The following BMPR2 variants were observed in gnomAD, a reference collection of about 807,000 sequenced individuals.
BMPR2 encodes the protein bone morphogenetic protein receptor type-2.
BMPR2 carries 29 observed loss-of-function variants against 100.8 expected under a neutral mutation model. The ratio of observed to expected loss-of-function variants is 0.29; its 90% confidence interval spans 0.21 to 0.39. The LOEUF (loss-of-function observed/expected upper bound fraction) is 0.39, where lower values mean the gene tolerates loss of function less well. Ranked by LOEUF, BMPR2 falls within the 10% of genes least tolerant of loss-of-function variation. BMPR2 has a pLI of 1.00. For missense variants in BMPR2, 1,011 were observed against 1,274.5 expected, an observed-to-expected ratio of 0.79 and a Z score of 3.15; for synonymous variants, 382 against 442.3, an observed-to-expected ratio of 0.86 and a Z score of 1.71.
At chr2:202,422,804 A>G (rs911685215) in intron 1 of BMPR2, among the ~76,000 whole-genome samples, 4 of 152,008 alleles carry the variant, frequency 2.6e-5, no homozygotes, top group African/African-American at 9.7e-5. Context: ...AGCCTCCTGA[A>G]TAGCTGGGAT....
At chr2:202,470,527 C>T (rs542599351) in intron 3 of BMPR2, among the ~76,000 whole-genome samples, 4 of 150,550 alleles carry the variant, frequency 2.7e-5, no homozygotes, top group Non-Finnish European at 5.9e-5. Flanking sequence ...TTTGGGAGGC[C>T]GAGGCAGCTG....
intron 5 of BMPR2, among the ~76,000 whole-genome samples, chr2:202,517,587 T>C (rs1228803604): frequency 2.0e-5 from 3 of 152,062 alleles, no homozygotes; most frequent in African/African-American, 7.2e-5. Flanking sequence ...CCTGACCTCG[T>C]GATCCACCCG....
rs1019791698 is a variant in BMPR2 at position 202,503,450 on chromosome 2, A to G, written c.419-10269A>G. On this transcript the variant is annotated intron_variant, in intron 3 of 12. Transcript: ENST00000374580. This position sits in a 1 kb window ranked among gnomAD's most constrained non-coding sequence, Gnocchi z 4.0. The stretch of plus-strand genomic sequence containing the variant: ...GGGCCAGCCGGAGTTCCGGTTGGGC[A>G]TGGGCTTGGCGGGCCCCGCACTCGG... Among the ~76,000 whole-genome samples the G allele has an allele frequency of 6.6e-5, 10 of 152,230 alleles. No homozygotes were observed. Among genetic ancestry groups the G allele is most frequent in the African/African-American group, 2.4e-4 (10 of 41,460 alleles).
intron 1 of BMPR2, among the ~76,000 whole-genome samples, chr2:202,392,126 A>G (rs1339100430): frequency 6.7e-6 from 1 of 149,986 alleles, no homozygotes; most frequent in Non-Finnish European, 1.5e-5. Context: ...GCTTGAGTAC[A>G]ATGGCTCAAT....
At chr2:202,556,619 A>G (rs1688577760) in intron 12 of BMPR2, 88 bp downstream of exon 12, 2 of 1,431,692 alleles carry the variant, frequency 1.4e-6, no homozygotes, top group Non-Finnish European at 1.9e-6. Flanking sequence ...ATATATTTCA[A>G]CTAGTGATTA....
chr2:202,491,869 A>T (rs1692908687), intron 3 of BMPR2, among the ~76,000 whole-genome samples: 1 of 152,174 alleles, frequency 6.6e-6, no homozygotes, highest in Admixed American at 6.5e-5. Flanking sequence ...TCAAATGTAT[A>T]CATTTGTGGA....
rs969875481 is a variant in BMPR2, at chr2:202,555,652, T to C, written c.1987T>C (p.Leu663=). ...CTGCTTACAGCTGACAGAAGAAGACTTGGAAACCAACAAGCTAGACCCAAA... is the reference window on the plus strand; with the variant it reads ...CTGCTTACAGCTGACAGAAGAAGACCTGGAAACCAACAAGCTAGACCCAAA... ...PVCLQLTEED[L]ETNKLDPKEV... Residue 663 remains leucine (L), a synonymous_variant, in exon 12 of 13, where the codon TTG becomes CTG. Coordinates refer to ENST00000374580, the MANE Select transcript of BMPR2 (RefSeq NM_001204.7). 5 of 1,613,844 alleles carry C rather than the reference T, an allele frequency of 3.1e-6. No individual in the cohort carries two copies. Among genetic ancestry groups the C allele is most frequent in the Non-Finnish European group, 4.2e-6 (5 of 1,180,004 alleles).
intron 9 of BMPR2, among the ~76,000 whole-genome samples, chr2:202,536,964 C>T (rs898732681): frequency 1.3e-5 from 2 of 151,914 alleles, no homozygotes; most frequent in African/African-American, 2.4e-5. Context: ...GTAGTGCAAT[C>T]ATAGCTCACT....
chr2:202,458,283 C>CAAAAAAAAAAAAAA (rs71035009), intron 1 of BMPR2, among the ~76,000 whole-genome samples: 2 of 52,310 alleles, frequency 3.8e-5, no homozygotes, highest in African/African-American at 1.5e-4. Context: ...CTTGTCTCTG[C>CAAAAAAAAAAAAAA]AAAAAAAAAA....
chr2:202,560,230 C>A lies in BMPR2; in HGVS notation c.*284C>A. 1 of 364,066 alleles carries A rather than the reference C, an allele frequency of 2.7e-6. No homozygotes were observed. Among genetic ancestry groups the A allele is most frequent in the Non-Finnish European group, 5.0e-6 (1 of 198,224 alleles). The allele number at this position is 364,066 out of a possible 1,614,324, so 22.6% of individuals were successfully genotyped here. A position where few individuals can be genotyped will look rare whatever the true frequency, so the allele number is the denominator to read the frequency against. ...TATATGTGTGTGTATCAAAAGTGGTCTCAAAATATTTTTTTAAGAAAAAAA... is the reference window on the plus strand; with the variant it reads ...TATATGTGTGTGTATCAAAAGTGGTATCAAAATATTTTTTTAAGAAAAAAA... On this transcript the variant is annotated 3_prime_UTR_variant, in exon 13 of 13. Transcript: ENST00000374580.
intron 1 of BMPR2, among the ~76,000 whole-genome samples, chr2:202,458,703 AT>A (rs1692170104): frequency 6.6e-6 from 1 of 151,960 alleles, no homozygotes; most frequent in Non-Finnish European, 1.5e-5. Flanking sequence ...TTTGACGTGT[AT>A]TTTTTGCATT....
chr2:202,419,680 A>C (rs1038691371), intron 1 of BMPR2, among the ~76,000 whole-genome samples: 1 of 152,130 alleles, frequency 6.6e-6, no homozygotes, highest in African/African-American at 2.4e-5. Flanking sequence ...TGAAGTCTTA[A>C]CTGGGAAATG....
In BMPR2 at chr2:202,532,416, C is replaced by T. The variant is rs1315406330; in HGVS notation, c.1129-169C>T. 6.6e-6 allele frequency among the ~76,000 whole-genome samples: 1 copy of T among 152,116 alleles called. No individual in the cohort carries two copies. ...ATGGATTTACCACAGTTTACTTATT[C>T]AGGAAGGGCATTTTATAGGTAAAAA... is the stretch of plus-strand genomic sequence containing the variant. On this transcript the variant is annotated intron_variant, in intron 8 of 12. Transcript: ENST00000374580. The surrounding 1 kb of genome is among the most constrained non-coding windows in gnomAD (Gnocchi z 4.1).
chr2:202,379,308 A>G (rs1690220629), intron 1 of BMPR2, among the ~76,000 whole-genome samples: 1 of 152,186 alleles, frequency 6.6e-6, no homozygotes, highest in South Asian at 2.1e-4. Flanking sequence ...GGTTATTATC[A>G]TTCCCCTTTT....
intron 1 of BMPR2, among the ~76,000 whole-genome samples, chr2:202,377,932 T>C (rs1690187393): frequency 6.6e-6 from 1 of 152,220 alleles, no homozygotes; most frequent in South Asian, 2.1e-4. Context: ...AAAATTATTA[T>C]TATAAAGAAG....
rs1213915038 is a variant in BMPR2, at chr2:202,436,294, A to C, written c.77-28515A>C. ...ATGGTGAAACCCCGTCTCTACAAAA[A>C]AATTAGTTGGGCATGATAGCCTGCG... On this transcript the variant is annotated intron_variant, in intron 1 of 12. Coordinates refer to ENST00000374580, the MANE Select transcript of BMPR2 (RefSeq NM_001204.7). Among the ~76,000 whole-genome samples the C allele has an allele frequency of 2.0e-5, 3 of 150,384 alleles. 1 individual carries two copies. Among genetic ancestry groups the C allele is most frequent in the African/African-American group, 7.5e-5 (3 of 39,762 alleles).
rs1687687886 is a variant in BMPR2 at position 202,514,984 on chromosome 2, G to A, written c.621+5G>A. 6.2e-7 allele frequency: 1 copy of A among 1,613,518 alleles called. No homozygotes were observed. Among genetic ancestry groups the A allele is most frequent in the African/African-American group, 1.3e-5 (1 of 74,906 alleles). On this transcript the variant is annotated splice_donor_5th_base_variant and intron_variant, in intron 5 of 12. Transcript: ENST00000374580. ...GATAATCTGAAACTGTTGGAGGTAA[G>A]TTTGCCGTTAGATTATGGACTGTTG...
intron 1 of BMPR2, among the ~76,000 whole-genome samples, chr2:202,449,728 A>G (rs757367498): frequency 3.3e-5 from 5 of 152,160 alleles, no homozygotes; most frequent in Admixed American, 6.5e-5. Context: ...GGAAGTTTAC[A>G]CCTGGTTTTC....
intron 10 of BMPR2, among the ~76,000 whole-genome samples, chr2:202,545,638 A>G (rs1311332310): frequency 2.7e-5 from 4 of 150,028 alleles, no homozygotes; most frequent in African/African-American, 7.3e-5. Context: ...GTAGAGACAC[A>G]TTATAGTTTC....
Sources: gnomAD v4.1 joint callset for allele counts (sites outside exome capture counted in the v4.1 genomes callset) on GRCh38, gnomAD v4.1.1 for gene constraint, Gnocchi (gnomAD v3.1) non-coding constraint, MANE v1.5 for transcripts, NCBI Gene and HGNC (gene_info 2026-07-23, HGNC 2026-07-21) for gene names.